The following PHF20 variants were observed in gnomAD, a reference collection of about 807,000 sequenced individuals.
PHF20 encodes PHD finger protein 20, also known as glioma-expressed antigen 2.
A neutral mutation model predicts 113.5 loss-of-function variants in PHF20; 23 were observed. That is an observed-to-expected ratio of 0.20 (90% confidence interval 0.15 to 0.29). PHF20 has a LOEUF of 0.29. PHF20 is among the 10% of genes least tolerant of loss of function. The probability of loss-of-function intolerance (pLI) is 1.00; values close to 1 mark genes in which losing one functional copy is unlikely to be tolerated. For synonymous variants in PHF20, 434 were observed against 457.3 expected, an observed-to-expected ratio of 0.95 and a Z score of 0.65; for missense variants, 943 against 1,219.6, an observed-to-expected ratio of 0.77 and a Z score of 3.38.
intron 9 of PHF20, among the ~76,000 whole-genome samples, chr20:35,886,522 T>C (rs1271747977): frequency 6.6e-6 from 1 of 152,174 alleles, no homozygotes; most frequent in East Asian, 1.9e-4. Flanking sequence ...ATGTGAAATA[T>C]ATATCAAAAA....
intron 2 of PHF20, among the ~76,000 whole-genome samples, chr20:35,826,428 A>G (rs1286863921): frequency 6.6e-6 from 1 of 152,196 alleles, no homozygotes; most frequent in East Asian, 1.9e-4. Flanking sequence ...GGAATGGAGA[A>G]TGTGGAGTCT....
chr20:35,854,613 A>G (rs2042795976), intron 4 of PHF20, among the ~76,000 whole-genome samples: 1 of 149,524 alleles, frequency 6.7e-6, no homozygotes, highest in South Asian at 2.1e-4. Context: ...GAAAGTTTCA[A>G]GATGATCCTT....
At chr20:35,814,860 G>A (rs1285226639) in intron 2 of PHF20, among the ~76,000 whole-genome samples, 1 of 132,278 alleles carries the variant, frequency 7.6e-6, no homozygotes, top group Non-Finnish European at 1.6e-5. Flanking sequence ...GCGACAGAGC[G>A]AGACTCCGTC....
chr20:35,796,625 G>A (rs1239019477), intron 1 of PHF20, among the ~76,000 whole-genome samples: 1 of 152,128 alleles, frequency 6.6e-6, no homozygotes. Context: ...ATTTCTGCTT[G>A]TTATATAATG....
At chr20:35,812,585 A>G (rs1442852242) in intron 2 of PHF20, among the ~76,000 whole-genome samples, 1 of 152,164 alleles carries the variant, frequency 6.6e-6, no homozygotes, top group Non-Finnish European at 1.5e-5. Context: ...TAAACTGGAA[A>G]TGAGGTCTAG....
Position 35,825,208 on chromosome 20 carries a change from G to A in PHF20, c.84-17365G>A, listed in dbSNP as rs2042239822. ...ATCCTGTTTGTTTTTATTTTGAAGA[G>A]ATGGGAGTCTTGGTATTGGCCCAGA... On this transcript the variant is annotated intron_variant, in intron 2 of 17. Transcript: ENST00000374012. Among the ~76,000 whole-genome samples, 3 of 152,186 alleles carry A rather than the reference G, an allele frequency of 2.0e-5. No homozygotes were observed. The South Asian group carries it at 6.2e-4, about 31-fold the overall frequency.
At chr20:35,798,088 C>T (rs1304278504) in intron 1 of PHF20, among the ~76,000 whole-genome samples, 1 of 152,146 alleles carries the variant, frequency 6.6e-6, no homozygotes, top group Non-Finnish European at 1.5e-5. Flanking sequence ...CACCAATAAC[C>T]TATAACTTAT....
At chr20:35,859,509 A>G (rs770941807) in intron 5 of PHF20, among the ~76,000 whole-genome samples, 4 of 150,720 alleles carry the variant, frequency 2.7e-5, no homozygotes. Flanking sequence ...ATGTGACAAT[A>G]TTTGGTGATG....
chr20:35,804,008 G>A (rs533513003), intron 2 of PHF20, among the ~76,000 whole-genome samples: 3 of 151,566 alleles, frequency 2.0e-5, no homozygotes, highest in African/African-American at 7.3e-5. Flanking sequence ...CTTAACTTCT[G>A]TATAGAGTTT....
intron 9 of PHF20, among the ~76,000 whole-genome samples, chr20:35,888,481 A>G (rs972301823): frequency 6.6e-6 from 1 of 152,230 alleles, no homozygotes. Context: ...CAGAGCAGGT[A>G]AATGATAATA....
intron 2 of PHF20, among the ~76,000 whole-genome samples, chr20:35,806,931 G>T (rs1162070620): frequency 6.6e-6 from 1 of 151,888 alleles, no homozygotes; most frequent in Non-Finnish European, 1.5e-5. Context: ...GGGTAGCTGG[G>T]ACTACAGGTG....
intron 14 of PHF20, 59 bp from the exon 15 acceptor site, chr20:35,931,190 T>C: frequency 8.4e-7 from 1 of 1,189,868 alleles, no homozygotes; most frequent in Non-Finnish European, 1.2e-6. Flanking sequence ...GTGAGAGTGA[T>C]GAAATGGCCT....
chr20:35,945,471 A>C (rs1225838780), intron 17 of PHF20, among the ~76,000 whole-genome samples: 2 of 152,214 alleles, frequency 1.3e-5, no homozygotes, highest in African/African-American at 4.8e-5. Context: ...AGAATAGCTC[A>C]CAAGAAACAG....
intron 9 of PHF20, among the ~76,000 whole-genome samples, chr20:35,884,628 G>A (rs999489568): frequency 2.0e-5 from 3 of 152,068 alleles, no homozygotes; most frequent in Admixed American, 6.6e-5. Flanking sequence ...TATATTTTTA[G>A]GAAGTTTTTA....
chr20:35,786,527 C>T (rs1259557101), intron 1 of PHF20, among the ~76,000 whole-genome samples: 1 of 152,060 alleles, frequency 6.6e-6, no homozygotes, highest in Non-Finnish European at 1.5e-5. Flanking sequence ...CATGGTGAAA[C>T]CCTGTCTCTA....
chr20:35,791,147 G>GTGCCTGGCTT (rs1569119979), intron 1 of PHF20, among the ~76,000 whole-genome samples: 26 of 152,210 alleles, frequency 1.7e-4, no homozygotes, highest in South Asian at 6.2e-4. Context: ...GTGAGCCACC[G>GTGCCTGGCTT]CGTCCGGCCT....
intron 1 of PHF20, among the ~76,000 whole-genome samples, 200 bp from the exon 2 acceptor site, chr20:35,801,291 A>G (rs953085945): frequency 6.6e-6 from 1 of 152,138 alleles, no homozygotes. Flanking sequence ...GGGTCTTCTT[A>G]GTTCCAGAAA....
chr20:35,911,379 G>A (rs1033066320), intron 10 of PHF20, among the ~76,000 whole-genome samples: 6 of 152,174 alleles, frequency 3.9e-5, no homozygotes, highest in African/African-American at 1.4e-4. Context: ...GTCTTCCATT[G>A]TGTGGATACA....
At chr20:35,901,819 G>A (rs953811308) in intron 10 of PHF20, among the ~76,000 whole-genome samples, 13 of 152,154 alleles carry the variant, frequency 8.5e-5, no homozygotes, top group Admixed American at 2.6e-4. Context: ...CATAAGTTTT[G>A]GAGCTGGGCA....
Sources: allele counts gnomAD v4.1 joint callset (sites outside exome capture counted in the v4.1 genomes callset), GRCh38; gene constraint gnomAD v4.1.1; transcripts MANE v1.5; gene names NCBI Gene and HGNC (gene_info 2026-07-23, HGNC 2026-07-21).